The following HIBADH variants were observed in gnomAD, a reference collection of about 807,000 sequenced individuals.
The protein encoded by HIBADH is 3-hydroxyisobutyrate dehydrogenase, mitochondrial.
HIBADH carries 25 observed loss-of-function variants against 36.1 expected under a neutral mutation model. That is an observed-to-expected ratio of 0.69 (90% CI 0.50 to 0.97). The LOEUF is 0.97. Ranked by LOEUF, HIBADH falls within the 50% of genes least tolerant of loss-of-function variation. The probability of loss-of-function intolerance (pLI) is 0.00; values close to 1 mark genes in which losing one functional copy is unlikely to be tolerated. For synonymous variants in HIBADH, 160 were observed against 149.5 expected (o/e 1.07, Z -0.51); for missense variants, 421 against 418.0 (o/e 1.01, Z -0.06).
At chr7:27,610,817 T>C (rs2128291798) in intron 4 of HIBADH, among the ~76,000 whole-genome samples, 1 of 152,294 alleles carries the variant, frequency 6.6e-6, no homozygotes, top group Admixed American at 6.5e-5. Flanking sequence ...ACTATAATAG[T>C]GTTAGGTGCC....
At chr7:27,548,830 G>A (rs1352253502) in intron 4 of HIBADH, among the ~76,000 whole-genome samples, 1 of 152,138 alleles carries the variant, frequency 6.6e-6, no homozygotes, top group Non-Finnish European at 1.5e-5. Context: ...ACCAAATCCT[G>A]ATTCCCCCTT....
intron 7 of HIBADH, among the ~76,000 whole-genome samples, chr7:27,528,270 G>T (rs1783940989): frequency 6.6e-6 from 1 of 151,948 alleles, no homozygotes; most frequent in Non-Finnish European, 1.5e-5. Flanking sequence ...CCCTACAATG[G>T]CCTCTTAAGT....
At chr7:27,535,449 G>T (rs146947844) in intron 6 of HIBADH, among the ~76,000 whole-genome samples, 2 of 152,092 alleles carry the variant, frequency 1.3e-5, no homozygotes, top group African/African-American at 4.8e-5. Context: ...TTCTTTTGGC[G>T]GAAGACAATA....
intron 4 of HIBADH, among the ~76,000 whole-genome samples, chr7:27,603,822 C>G (rs1785173215): frequency 6.6e-6 from 1 of 152,016 alleles, no homozygotes; most frequent in Admixed American, 6.6e-5. Context: ...GCAAATGATA[C>G]CAATAATTAA....
intron 4 of HIBADH, among the ~76,000 whole-genome samples, chr7:27,576,276 G>A (rs1294555997): frequency 6.6e-6 from 1 of 152,070 alleles, no homozygotes; most frequent in Non-Finnish European, 1.5e-5. Context: ...GCGGTAACAA[G>A]GTTAATTATG....
At chr7:27,526,404 G>C (rs1204465963) in intron 7 of HIBADH, 32 bp from the exon 8 acceptor site, 1 of 1,578,238 alleles carries the variant, frequency 6.3e-7, no homozygotes, top group East Asian at 2.3e-5. Context: ...AACACGCTGA[G>C]ACTGGTGGTA....
At chr7:27,619,744 T>G (rs1562646919) in intron 4 of HIBADH, among the ~76,000 whole-genome samples, 1 of 152,132 alleles carries the variant, frequency 6.6e-6, no homozygotes, top group Non-Finnish European at 1.5e-5. Context: ...GAAGATAGAT[T>G]TTTTGAAATA....
chr7:27,603,509 C>T (rs534225788), intron 4 of HIBADH, among the ~76,000 whole-genome samples: 1 of 151,902 alleles, frequency 6.6e-6, no homozygotes, highest in South Asian at 2.1e-4. Context: ...TACAGTAAGT[C>T]ATTGTTTCCT....
Position 27,632,376 on chromosome 7 carries a change from T to G in HIBADH, c.322A>C (p.Asn108His). Residue 108 changes from asparagine to histidine, a missense_variant, in exon 3 of 8, where the codon AAT becomes CAT. By Grantham distance (68) the Asn-to-His change is moderately conservative. Coordinates refer to ENST00000265395, the MANE Select transcript of HIBADH (RefSeq NM_152740.4). ...RIITMLPTSI[N>H]AIEAYSGANG... Reference sequence around the variant, plus strand: ...GCTCCGGAATAAGCTTCTATTGCATTGATACTGGTGGGCAGCATTGTAATA... The same window carrying G: ...GCTCCGGAATAAGCTTCTATTGCATGGATACTGGTGGGCAGCATTGTAATA... 6.2e-7 allele frequency: 1 copy of G among 1,613,412 alleles called. No homozygotes were observed. The highest frequency in any genetic ancestry group is 8.5e-7 in the Non-Finnish European group (1 of 1,179,478).
At chr7:27,557,879 A>G (rs1056239780) in intron 4 of HIBADH, among the ~76,000 whole-genome samples, 2 of 152,222 alleles carry the variant, frequency 1.3e-5, no homozygotes, top group African/African-American at 4.8e-5. Context: ...TATTACTTGA[A>G]GACTACATAA....
intron 1 of HIBADH, among the ~76,000 whole-genome samples, chr7:27,658,463 T>C (rs750920743): frequency 6.6e-6 from 1 of 152,208 alleles, no homozygotes. Context: ...TTATGACCTC[T>C]TTCTCCAATG....
chr7:27,539,077 T>C (rs1784109493), intron 5 of HIBADH, among the ~76,000 whole-genome samples: 1 of 152,140 alleles, frequency 6.6e-6, no homozygotes, highest in Non-Finnish European at 1.5e-5. Flanking sequence ...ATGTCAGCTA[T>C]GAAAGCTAGG....
intron 4 of HIBADH, among the ~76,000 whole-genome samples, chr7:27,548,911 A>G (rs1784275943): frequency 6.6e-6 from 1 of 152,154 alleles, no homozygotes; most frequent in South Asian, 2.1e-4. Flanking sequence ...AAAACAAGAT[A>G]TTGTTCTTGA....
chr7:27,639,458 G>T (rs56123216), intron 2 of HIBADH, among the ~76,000 whole-genome samples: 24,559 of 152,084 alleles, frequency 0.16, 2,160 homozygotes, highest in Middle Eastern at 0.2. Context: ...GAGGGACAGA[G>T]GGTGAGGATC....
chr7:27,605,296 C>T (rs1428204667), intron 4 of HIBADH, among the ~76,000 whole-genome samples: 1 of 151,840 alleles, frequency 6.6e-6, no homozygotes, highest in African/African-American at 2.4e-5. Flanking sequence ...AAAAACAGTA[C>T]AGGAAACTCA....
intron 4 of HIBADH, among the ~76,000 whole-genome samples, chr7:27,596,372 T>C (rs916444737): frequency 6.6e-6 from 1 of 152,206 alleles, no homozygotes; most frequent in Non-Finnish European, 1.5e-5. Context: ...CCCAAGACTG[T>C]TGCACTGGGA....
In HIBADH at chr7:27,558,298, T is replaced by A. The variant is rs1310529562; in HGVS notation, c.485-15198A>T. On this transcript the variant is annotated intron_variant, in intron 4 of 7. Transcript: ENST00000265395. ...TTAAATAGATTTATATTTGTTTTAT[T>A]CTAGTTTATTGAGTTTTAGAGGATC... Among the ~76,000 whole-genome samples, 5 of 152,306 alleles carry A rather than the reference T, an allele frequency of 3.3e-5. No individual in the cohort carries two copies. In the South Asian group the frequency reaches 1.0e-3, roughly 32 times the overall value.
At chr7:27,578,708 AT>A (rs890873055) in intron 4 of HIBADH, among the ~76,000 whole-genome samples, 3 of 151,626 alleles carry the variant, frequency 2.0e-5, no homozygotes, top group African/African-American at 7.3e-5. Flanking sequence ...ATAAAACCAC[AT>A]TTTTTTTTGT....
At chr7:27,612,115 C>A (rs1369448659) in intron 4 of HIBADH, among the ~76,000 whole-genome samples, 1 of 152,062 alleles carries the variant, frequency 6.6e-6, no homozygotes, top group Non-Finnish European at 1.5e-5. Flanking sequence ...ATCCCTAGTG[C>A]CTTCTTTGTA....
Sources: gnomAD v4.1 joint callset for allele counts (sites outside exome capture counted in the v4.1 genomes callset) on GRCh38, gnomAD v4.1.1 for gene constraint, MANE v1.5 for transcripts, NCBI Gene and HGNC (gene_info 2026-07-23, HGNC 2026-07-21) for gene names.